SNX21: variants seen among roughly 807,000 people sequenced by gnomAD.
The protein encoded by SNX21 is sorting nexin-21.
In SNX21, 36 loss-of-function variants were observed where a neutral mutation model predicts 30.9. The observed-to-expected ratio is 1.16, with a 90% CI of 0.89 to 1.54. The LOEUF is 1.54. SNX21 is among the 40% of genes most tolerant of loss of function. SNX21 has a pLI of 0.00. For missense variants in SNX21, 508 were observed against 516.5 expected (o/e 0.98, Z 0.16); for synonymous variants, 218 against 222.7 (o/e 0.98, Z 0.19).
rs138603297 is a variant in SNX21 at position 45,835,081 on chromosome 20, G to A, written c.412G>A (p.Ala138Thr). 6.2e-7 allele frequency: 1 copy of A among 1,613,948 alleles called. No individual in the cohort carries two copies. Among genetic ancestry groups the A allele is most frequent in the African/African-American group, 1.3e-5 (1 of 74,930 alleles). The change falls in exon 3 of 4, where the codon GCT becomes ACT. Residue 138 changes from alanine to threonine, a missense_variant. By Grantham distance (58) the Ala-to-Thr change is moderately conservative (BLOSUM62 0). Transcript: ENST00000491381. ...GCGGCTGCTCTTCGAAGTGACCAGC[G>A]CTAACGTTGTCAAGGACCCGCCCTC... ...PQRLLFEVTS[A>T]NVVKDPPSKY...
chr20:45,835,069 G>T lies in SNX21; in HGVS notation c.400G>T (p.Glu134Ter). Residue 134 changes from glutamate to a stop codon, truncating the protein, a stop_gained, in exon 3 of 4, where the codon GAA (glutamate) becomes TAA (stop). Coordinates refer to ENST00000491381, the MANE Select transcript of SNX21 (RefSeq NM_033421.4). LOFTEE classifies it high-confidence loss of function. ...CTTGGCACCCCAGCGGCTGCTCTTC[G>T]AAGTGACCAGCGCTAACGTTGTCAA... Reference protein sequence around the residue: ...NTLAPQRLLFEVTSANVVKDP... With the variant: ...NTLAPQRLLF The T allele has an allele frequency of 1.2e-6, 2 of 1,614,202 alleles. No individual in the cohort carries two copies. The highest frequency in any genetic ancestry group is 2.2e-5 in the South Asian group (2 of 91,090).
At chr20:45,834,100 C>A in intron 1 of SNX21, 101 bp from the exon 2 acceptor site, 3 of 1,405,410 alleles carry the variant, frequency 2.1e-6, no homozygotes, top group South Asian at 1.5e-5. Context: ...CCTCACCGCG[C>A]CCCTCCCTCT....
Position 45,834,342 on chromosome 20 carries a change from T to C in SNX21, c.163T>C (p.Ser55Pro). 6.2e-7 allele frequency: 1 copy of C among 1,600,400 alleles called. No homozygotes were observed. Among genetic ancestry groups the C allele is most frequent in the Non-Finnish European group, 8.5e-7 (1 of 1,177,518 alleles). The change falls in exon 2 of 4, where the codon TCC becomes CCC. Residue 55 changes from serine (S) to proline (P), a missense_variant. Transcript: ENST00000491381. ...LEDDDAEGLS[S>P]RLSGTLSFTS... Reference sequence around the variant, plus strand: ...GGACGACGACGCCGAGGGCCTGTCCTCCCGACTCAGCGGCACCCTCAGCTT... The same window carrying C: ...GGACGACGACGCCGAGGGCCTGTCCCCCCGACTCAGCGGCACCCTCAGCTT...
rs774243060 is a variant in SNX21, at chr20:45,834,376, CCGAGGACGACGAGGACGACGAGGA to C, written c.213_236del (p.Asp71_Glu78del). 54 of 1,604,250 alleles carry C rather than the reference CCGAGGACGACGAGGACGACGAGGA, an allele frequency of 3.4e-5. No individual in the cohort carries two copies. Among genetic ancestry groups the C allele is most frequent in the African/African-American group, 2.7e-4 (20 of 74,878 alleles). On this transcript the variant is annotated inframe_deletion, in exon 2 of 4. Transcript: ENST00000491381. Reference sequence around the variant, plus strand: ...AGCGGCACCCTCAGCTTCACCAGCGCCGAGGACGACGAGGACGACGAGGACGAGGACGACGAGGAGGCTGGCCCT... The same window carrying C: ...AGCGGCACCCTCAGCTTCACCAGCGCCGAGGACGACGAGGAGGCTGGCCCT...
At chr20:45,837,651 A>G (rs1371227587) in intron 3 of SNX21, among the ~76,000 whole-genome samples, 2 of 152,188 alleles carry the variant, frequency 1.3e-5, no homozygotes, top group Admixed American at 1.3e-4. Context: ...CATCTTGTTC[A>G]GTGTTTTCCA....
chr20:45,833,993 C>A, intron 1 of SNX21, 53 bp downstream of exon 1: 1 of 1,428,326 alleles, frequency 7.0e-7, no homozygotes, highest in Admixed American at 3.3e-5. Flanking sequence ...TGAGCCCCTC[C>A]GGGGAGGAAC....
intron 3 of SNX21, among the ~76,000 whole-genome samples, chr20:45,836,501 A>AG (rs1235524550): frequency 1.5e-4 from 23 of 150,454 alleles, no homozygotes; most frequent in African/African-American, 5.4e-4. Context: ...AAAAAAAAAA[A>AG]AAAAAAAAAA....
rs764738668 is a variant in SNX21 at position 45,841,968 on chromosome 20, GT to G, written c.*656del. On this transcript the variant is annotated 3_prime_UTR_variant, in exon 4 of 4. Transcript: ENST00000491381. The stretch of plus-strand genomic sequence containing the variant: ...CCCCCGAGAGCCACCTGTGGGTGAG[GT>G]GAAGGGTGATGATGGCCTGCTTCAG... 2.5e-6 allele frequency: 4 copies of G among 1,612,994 alleles called. No homozygotes were observed. In the Admixed American group the frequency reaches 6.7e-5, roughly 27 times the overall value.
Position 45,841,111 on chromosome 20 carries a change from A to T in SNX21, c.920A>T (p.Glu307Val), listed in dbSNP as rs772522911. Residue 307 changes from glutamate (E) to valine (V), a missense_variant, in exon 4 of 4, where the codon GAG (glutamate) becomes GTG (valine). By Grantham distance (121) the Glu-to-Val change is moderately radical. Transcript: ENST00000491381. ...EDPGEARACC[E>V]KALQLLGDKS... ...CCTGGAGAGGCCCGGGCATGCTGTG[A>T]GAAGGCCCTGCAGCTGCTTGGGGAC... The T allele has an allele frequency of 4.3e-6, 7 of 1,610,428 alleles. No homozygotes were observed. Among genetic ancestry groups the T allele is most frequent in the Non-Finnish European group, 5.9e-6 (7 of 1,178,782 alleles).
At chr20:45,834,147 G>A in intron 1 of SNX21, 54 bp from the exon 2 acceptor site, 1 of 1,436,120 alleles carries the variant, frequency 7.0e-7, no homozygotes, top group East Asian at 2.6e-5. Context: ...CCTGCGCCGG[G>A]CTGGGGTACC....
intron 2 of SNX21, 70 bp downstream of exon 2, chr20:45,834,538 A>G (rs1983346772): frequency 3.4e-6 from 5 of 1,487,802 alleles, no homozygotes; most frequent in Non-Finnish European, 4.4e-6. Context: ...GCGTTCCCAG[A>G]GCATCCAGGG....
Position 45,833,862 on chromosome 20 carries a change from G to T in SNX21, c.-58G>T, listed in dbSNP as rs947081774. ...CGGCGGAGCCCTGCAGAACCCGGCC[G>T]ACCTCCATGGGCTGCGGGGGGCTGC... On this transcript the variant is annotated 5_prime_UTR_variant, in exon 1 of 4. Coordinates refer to ENST00000491381, the MANE Select transcript of SNX21 (RefSeq NM_033421.4). 8 of 1,299,794 alleles carry T rather than the reference G, an allele frequency of 6.2e-6. No homozygotes were observed. Among genetic ancestry groups the T allele is most frequent in the Middle Eastern group, 2.9e-4 (1 of 3,440 alleles). 80.5% of individuals were successfully genotyped at this position (1,299,794 alleles called of 1,614,324 possible). A position where few individuals can be genotyped will look rare whatever the true frequency, so the allele number is the denominator to read the frequency against.
Position 45,842,092 on chromosome 20 carries a change from C to T in SNX21, c.*779C>T. 1 of 1,537,690 alleles carries T rather than the reference C, an allele frequency of 6.5e-7. No individual in the cohort carries two copies. Among genetic ancestry groups the T allele is most frequent in the Non-Finnish European group, 8.7e-7 (1 of 1,146,886 alleles). On this transcript the variant is annotated 3_prime_UTR_variant, in exon 4 of 4. Transcript: ENST00000491381. ...CTGGGTTCAAGGGATCCTCCCGCCTCAGCCTCCTGAGCAGCTGGGATTACA... is the reference window on the plus strand; with the variant it reads ...CTGGGTTCAAGGGATCCTCCCGCCTTAGCCTCCTGAGCAGCTGGGATTACA...
intron 3 of SNX21, among the ~76,000 whole-genome samples, chr20:45,836,091 C>A (rs1983502767): frequency 6.6e-6 from 1 of 152,220 alleles, no homozygotes; most frequent in Non-Finnish European, 1.5e-5. Context: ...GAGCCCAGTC[C>A]CACATCTGGG....
At chr20:45,834,544 C>T in intron 2 of SNX21, 76 bp downstream of exon 2, 3 of 1,474,842 alleles carry the variant, frequency 2.0e-6, no homozygotes, top group Non-Finnish European at 2.7e-6. Context: ...CCAGAGCATC[C>T]AGGGCGCTAA....
intron 2 of SNX21, 27 bp downstream of exon 2, chr20:45,834,495 A>T: frequency 6.4e-7 from 1 of 1,571,958 alleles, no homozygotes; most frequent in South Asian, 1.1e-5. Flanking sequence ...GGAGGCGGGA[A>T]CCCTGGGGCT....
At position 45,842,670 on chromosome 20, in the gene SNX21, A is replaced by G. The variant is rs1293354889; in HGVS notation, c.*1357A>G. The G allele has an allele frequency of 1.0e-6, 1 of 989,540 alleles. No homozygotes were observed. The highest frequency in any genetic ancestry group is 1.2e-6 in the Non-Finnish European group (1 of 832,450). The allele number at this position is 989,540 out of a possible 1,614,324, so 61.3% of individuals were successfully genotyped here. A position where few individuals can be genotyped will look rare whatever the true frequency, so the allele number is the denominator to read the frequency against. On this transcript the variant is annotated 3_prime_UTR_variant, in exon 4 of 4. Coordinates refer to ENST00000491381, the MANE Select transcript of SNX21 (RefSeq NM_033421.4). ...ATAGCAGAGCTCACTCAGTTCTCAC[A>G]GTAGCCAAATGAAGCAGTTATGTGT...
rs140286266 is a variant in SNX21, at chr20:45,841,262, C to T, written c.1071C>T (p.Pro357=). The T allele has an allele frequency of 5.9e-4, 943 of 1,599,472 alleles. 6 individuals carry two copies. In the African/African-American group the frequency reaches 0.011, roughly 19 times the overall value. ...LQALQEAGLT[P]TPPPSLKELL... ...CCCTGCAGGAGGCAGGCCTTACCCC[C>T]ACACCACCCCCCAGTCTCAAAGAAT... is the stretch of plus-strand genomic sequence containing the variant. Residue 357 remains proline (P), a synonymous_variant, in exon 4 of 4, where the codon CCC becomes CCT. Transcript: ENST00000491381.
intron 2 of SNX21, chr20:45,834,724 G>A: frequency 6.1e-6 from 4 of 658,534 alleles, no homozygotes; most frequent in South Asian, 2.0e-5. Context: ...CAGGGCTTGG[G>A]ATCCGAATGG....
Sources: allele counts gnomAD v4.1 joint callset (sites outside exome capture counted in the v4.1 genomes callset), GRCh38; gene constraint gnomAD v4.1.1; transcripts MANE v1.5; gene names NCBI Gene and HGNC (gene_info 2026-07-23, HGNC 2026-07-21).